COL21A1: variants seen among roughly 807,000 people sequenced by gnomAD.
COL21A1 encodes collagen type XXI alpha 1 chain.
In COL21A1, 149 loss-of-function variants were observed where a neutral mutation model predicts 137.9. The ratio of observed to expected loss-of-function variants is 1.08; its 90% CI spans 0.95 to 1.24. COL21A1 has a LOEUF of 1.24. Ranked by LOEUF, COL21A1 falls within the 50% of genes most tolerant of loss-of-function variation. The pLI is 0.00. For synonymous variants in COL21A1, 456 were observed against 391.5 expected (o/e 1.16, Z -1.95); for missense variants, 1,167 against 1,158.4 (o/e 1.01, Z -0.11).
intron 16 of COL21A1, among the ~76,000 whole-genome samples, chr6:56,120,520 G>A (rs919003465): frequency 2.4e-4 from 37 of 152,310 alleles, no homozygotes; most frequent in African/African-American, 7.5e-4. Context: ...AATGGGTTAG[G>A]CGCAGTGGCT....
chr6:56,293,313 G>T (rs981520494), intron 1 of COL21A1, among the ~76,000 whole-genome samples: 2 of 152,146 alleles, frequency 1.3e-5, no homozygotes, highest in Middle Eastern at 3.4e-3. Context: ...TTGTATATAG[G>T]ATTCTTTTTC....
intron 16 of COL21A1, among the ~76,000 whole-genome samples, chr6:56,108,007 C>T (rs1359126267): frequency 1.3e-5 from 2 of 151,768 alleles, no homozygotes; most frequent in Non-Finnish European, 2.9e-5. Context: ...TTAAATTTAA[C>T]ACAACAAAGA....
intron 16 of COL21A1, among the ~76,000 whole-genome samples, chr6:56,113,369 C>T (rs543295356): frequency 1.3e-5 from 2 of 152,252 alleles, no homozygotes; most frequent in African/African-American, 4.8e-5. Flanking sequence ...AGCTCAGCCA[C>T]AGCAGGATAG....
intron 1 of COL21A1, among the ~76,000 whole-genome samples, chr6:56,264,916 C>G (rs1333114931): frequency 6.6e-6 from 1 of 152,170 alleles, no homozygotes; most frequent in Non-Finnish European, 1.5e-5. Flanking sequence ...CTTCATAGTT[C>G]TTGATGAAGG....
chr6:56,124,039 C>CTTTT, intron 16 of COL21A1, 23 bp downstream of exon 16: 5 of 1,274,064 alleles, frequency 3.9e-6, no homozygotes, highest in Admixed American at 3.1e-5. Flanking sequence ...TTGTTTTGTC[C>CTTTT]TTTTTTTTTT....
At chr6:56,076,077 T>C (rs1278597316) in intron 18 of COL21A1, among the ~76,000 whole-genome samples, 5 of 151,378 alleles carry the variant, frequency 3.3e-5, no homozygotes, top group Admixed American at 1.3e-4. Context: ...GGGGCTATAA[T>C]TATGAGAATT....
At chr6:56,074,564 G>T (rs780788332) in intron 19 of COL21A1, among the ~76,000 whole-genome samples, 1 of 151,314 alleles carries the variant, frequency 6.6e-6, no homozygotes, top group African/African-American at 2.4e-5. Context: ...GCTAGTAAAA[G>T]AAAAATATAA....
At chr6:56,276,780 G>A (rs1763668709) in intron 1 of COL21A1, 2 of 1,148,662 alleles carry the variant, frequency 1.7e-6, no homozygotes, top group African/African-American at 3.1e-5. Context: ...TGCTAATTCT[G>A]GTTGTTCAGT....
chr6:56,169,205 T>C (rs1776835435), intron 5 of COL21A1, among the ~76,000 whole-genome samples: 1 of 151,926 alleles, frequency 6.6e-6, no homozygotes, highest in Admixed American at 6.6e-5. Context: ...CTTCAATAAT[T>C]TTCAAATCTA....
At chr6:56,319,272 CAG>C (rs1397486514) in intron 1 of COL21A1, among the ~76,000 whole-genome samples, 1 of 152,098 alleles carries the variant, frequency 6.6e-6, no homozygotes, top group Non-Finnish European at 1.5e-5. Flanking sequence ...GTCTGGTAGG[CAG>C]AGTCAAGAGG....
At chr6:56,325,996 A>ATTATATAATATATAT (rs1562057995) in intron 1 of COL21A1, among the ~76,000 whole-genome samples, 2 of 1,320 alleles carry the variant, frequency 1.5e-3, no homozygotes, top group East Asian at 0.083. Flanking sequence ...ATATGTATAT[A>ATTATATAATATATAT]CATACATATA....
chr6:56,169,823 C>T lies in COL21A1; in HGVS notation c.1026+826G>A, dbSNP rs924017853. ...CCTTGAATATCCTATTGTAAATACG[C>T]TCTTTGAAGGTAAGAAACATGCCTT... On this transcript the variant is annotated intron_variant, in intron 5 of 29. Coordinates refer to ENST00000244728, the MANE Select transcript of COL21A1 (RefSeq NM_030820.4). Among the ~76,000 whole-genome samples, 4 of 151,920 alleles carry T rather than the reference C, an allele frequency of 2.6e-5. No homozygotes were observed. The South Asian group carries it at 6.2e-4, about 24-fold the overall frequency.
At chr6:56,177,010 A>AAGG (rs886974669) in intron 3 of COL21A1, among the ~76,000 whole-genome samples, 1 of 145,740 alleles carries the variant, frequency 6.9e-6, no homozygotes, top group South Asian at 2.2e-4. Context: ...GAGGAGGGAG[A>AAGG]AGGAGGAGGA....
intron 1 of COL21A1, among the ~76,000 whole-genome samples, chr6:56,195,882 G>A (rs1431979794): frequency 2.0e-5 from 3 of 152,026 alleles, no homozygotes; most frequent in Admixed American, 2.0e-4. Flanking sequence ...ATTTTATGAG[G>A]CTGGCTTTAC....
Position 56,125,629 on chromosome 6 carries a change from C to A in COL21A1, c.1597-9G>T. 6.5e-7 allele frequency: 1 copy of A among 1,542,164 alleles called. No individual in the cohort carries two copies. The highest frequency in any genetic ancestry group is 8.8e-7 in the Non-Finnish European group (1 of 1,133,324). ...TTGGCACCCATTTCACCCTAAAAGA[C>A]AAAATATAAATAGTGAATATTTAAG... On this transcript the variant is annotated splice_polypyrimidine_tract_variant and intron_variant, in intron 13 of 29. Transcript: ENST00000244728.
intron 1 of COL21A1, among the ~76,000 whole-genome samples, chr6:56,211,187 G>GTATATGTATATATACA (rs1561988549): frequency 1.2e-4 from 2 of 17,092 alleles, no homozygotes; most frequent in South Asian, 3.2e-3. Context: ...ACATATATAT[G>GTATATGTATATATACA]TATATATGTA....
intron 1 of COL21A1, among the ~76,000 whole-genome samples, chr6:56,361,303 T>A (rs1765959730): frequency 6.6e-6 from 1 of 152,300 alleles, no homozygotes; most frequent in East Asian, 1.9e-4. Context: ...GTTTCTTCCA[T>A]GTCATGCTCC....
intron 16 of COL21A1, among the ~76,000 whole-genome samples, chr6:56,106,591 A>G (rs1175429191): frequency 2.0e-5 from 3 of 152,206 alleles, no homozygotes; most frequent in African/African-American, 7.2e-5. Context: ...CAAGCTATCC[A>G]AACATGTACA....
intron 10 of COL21A1, among the ~76,000 whole-genome samples, chr6:56,149,399 T>C (rs1334886095): frequency 1.3e-5 from 2 of 152,124 alleles, no homozygotes; most frequent in Admixed American, 6.5e-5. Context: ...ATTTACACCA[T>C]ATATAGCAAA....
Sources: gnomAD v4.1 joint callset for allele counts (sites outside exome capture counted in the v4.1 genomes callset) on GRCh38, gnomAD v4.1.1 for gene constraint, MANE v1.5 for transcripts, NCBI Gene and HGNC (gene_info 2026-07-23, HGNC 2026-07-21) for gene names.